HSD17B12: variants seen among roughly 807,000 people sequenced by gnomAD.
The protein encoded by HSD17B12 is hydroxysteroid 17-beta dehydrogenase 12, also known as very-long-chain 3-oxoacyl-CoA reductase.
Under a neutral mutation model 39.3 loss-of-function variants are expected in HSD17B12, and 32 were observed. That is an observed-to-expected ratio of 0.81 (90% CI 0.61 to 1.09). HSD17B12 has a LOEUF of 1.09. Among genes scored for constraint, HSD17B12 ranks in the 50% least tolerant of loss-of-function variants. The pLI, the probability that HSD17B12 is intolerant of heterozygous loss-of-function variation, is 0.00. For missense variants in HSD17B12, 342 were observed against 382.9 expected, an observed-to-expected ratio of 0.89 and a Z score of 0.89; for synonymous variants, 150 against 146.7, an observed-to-expected ratio of 1.02 and a Z score of -0.16.
chr11:43,672,285 A>G, the HSD17B12 span, among the ~76,000 whole-genome samples: 1 of 151,888 alleles, frequency 6.6e-6, no homozygotes, highest in African/African-American at 2.4e-5. Flanking sequence ...TCCTGACCTC[A>G]TGATCCGCCT....
intron 1 of HSD17B12, among the ~76,000 whole-genome samples, chr11:43,737,800 G>A (rs1048200245): frequency 2.6e-5 from 4 of 152,178 alleles, no homozygotes; most frequent in African/African-American, 9.7e-5. Context: ...CCGGCCAGGC[G>A]CAGTGGCTCA....
chr11:43,624,297 A>G, the HSD17B12 span, among the ~76,000 whole-genome samples: 351 of 152,112 alleles, frequency 2.3e-3, 7 homozygotes, highest in East Asian at 0.045. Context: ...AAGAAAATAT[A>G]AAGTTATTCT....
rs1311018570 is a variant in HSD17B12, at chr11:43,680,846, G to T, written c.19G>T (p.Ala7Ser). The change falls in exon 1 of 11, where the codon GCC (alanine) becomes TCC (serine). Residue 7 changes from alanine to serine, a missense_variant. Physicochemically the swap from Ala to Ser is moderately conservative, Grantham distance 99 (BLOSUM62 1). Transcript: ENST00000278353. The stretch of plus-strand genomic sequence containing the variant: ...GAAAGCCATGGAGAGCGCTCTCCCC[G>T]CCGCCGGCTTCCTGTACTGGGTCGG... MESALPAAGFLYWVGAG... is the reference protein window; with the variant it reads MESALPSAGFLYWVGAG... 1.2e-6 allele frequency: 2 copies of T among 1,613,952 alleles called. No homozygotes were observed. Among genetic ancestry groups the T allele is most frequent in the East Asian group, 4.5e-5 (2 of 44,842 alleles).
At chr11:43,838,466 C>T (rs1018832269) in intron 8 of HSD17B12, 68 bp downstream of exon 8, 10 of 1,207,568 alleles carry the variant, frequency 8.3e-6, no homozygotes, top group African/African-American at 1.5e-5. Context: ...GAGAAATTAA[C>T]GTAGATTTAA....
chr11:43,743,805 T>G (rs147553895), intron 1 of HSD17B12, among the ~76,000 whole-genome samples: 134 of 152,310 alleles, frequency 8.8e-4, no homozygotes, highest in African/African-American at 3.2e-3. Context: ...CTAATCGATA[T>G]TTTAATGCAG....
At chr11:43,662,285 G>A in the HSD17B12 span, among the ~76,000 whole-genome samples, 7 of 148,620 alleles carry the variant, frequency 4.7e-5, no homozygotes, top group African/African-American at 1.7e-4. Flanking sequence ...TGCAACCTCC[G>A]CTTCCTGGGT....
chr11:43,687,465 G>A (rs1005283176), intron 1 of HSD17B12, among the ~76,000 whole-genome samples: 2 of 152,224 alleles, frequency 1.3e-5, no homozygotes, highest in African/African-American at 4.8e-5. Context: ...ATTTGTGAGG[G>A]AAAGTTCTAG....
chr11:43,567,227 A>G, the HSD17B12 span, among the ~76,000 whole-genome samples: 1 of 152,162 alleles, frequency 6.6e-6, no homozygotes. Context: ...TGGGAAGAGA[A>G]TGACTGGAAA....
At chr11:43,755,648 C>A (rs775716181) in intron 3 of HSD17B12, 3 of 152,206 alleles carry the variant, frequency 2.0e-5, no homozygotes, top group Non-Finnish European at 4.4e-5. Flanking sequence ...AACATTACCA[C>A]CTACTGCTAA....
chr11:43,659,628 A>T, the HSD17B12 span, among the ~76,000 whole-genome samples: 3 of 151,936 alleles, frequency 2.0e-5, no homozygotes, highest in Admixed American at 1.3e-4. Context: ...CATCAAAATT[A>T]AAAACTTTTC....
At chr11:43,606,945 G>C in the HSD17B12 span, among the ~76,000 whole-genome samples, 1 of 152,096 alleles carries the variant, frequency 6.6e-6, no homozygotes, top group Non-Finnish European at 1.5e-5. Flanking sequence ...TGTGATCTGG[G>C]GCAAGATATT....
At chr11:43,710,037 G>A (rs1950050454) in intron 1 of HSD17B12, among the ~76,000 whole-genome samples, 1 of 152,190 alleles carries the variant, frequency 6.6e-6, no homozygotes, top group Non-Finnish European at 1.5e-5. Flanking sequence ...TAACTAAGTT[G>A]AAGCTGAAAT....
chr11:43,818,197 T>C (rs1289717214), intron 6 of HSD17B12, among the ~76,000 whole-genome samples: 1 of 152,220 alleles, frequency 6.6e-6, no homozygotes, highest in Non-Finnish European at 1.5e-5. Flanking sequence ...TCCCCATGAT[T>C]CTTTTCAGTT....
the HSD17B12 span, among the ~76,000 whole-genome samples, chr11:43,606,608 T>A: frequency 6.6e-6 from 1 of 152,228 alleles, no homozygotes; most frequent in Admixed American, 6.5e-5. Context: ...ATCTGATGAC[T>A]GCATTCACCC....
intron 3 of HSD17B12, among the ~76,000 whole-genome samples, chr11:43,781,997 A>G (rs1192944134): frequency 1.3e-5 from 2 of 152,238 alleles, no homozygotes; most frequent in East Asian, 3.8e-4. Context: ...CCAATTATAA[A>G]ATTGTTTCTG....
At chr11:43,768,873 GTGCTGATTGGTCCATTTTTACAGAA>G (rs1950623447) in intron 3 of HSD17B12, among the ~76,000 whole-genome samples, 1 of 148,594 alleles carries the variant, frequency 6.7e-6, no homozygotes, top group African/African-American at 2.5e-5. Flanking sequence ...ATTTTAAAGA[GTGCTGATTGGTCCATTTTTACAGAA>G]TGCTGATTGG....
intron 3 of HSD17B12, among the ~76,000 whole-genome samples, chr11:43,759,551 A>G (rs1950538814): frequency 1.3e-5 from 2 of 152,310 alleles, no homozygotes; most frequent in South Asian, 4.1e-4. Context: ...TGATTCATCA[A>G]AGAAAAAAAC....
At chr11:43,826,330 G>T (rs938612431) in intron 6 of HSD17B12, among the ~76,000 whole-genome samples, 3 of 151,900 alleles carry the variant, frequency 2.0e-5, no homozygotes, top group African/African-American at 7.3e-5. Context: ...TGATCTGCCC[G>T]CCTCGACCTC....
chr11:43,659,381 G>A, the HSD17B12 span, among the ~76,000 whole-genome samples: 1 of 152,166 alleles, frequency 6.6e-6, no homozygotes, highest in African/African-American at 2.4e-5. Context: ...CTCACGCACA[G>A]TGCATTGCAC....
Sources: gnomAD v4.1 joint callset for allele counts (sites outside exome capture counted in the v4.1 genomes callset) on GRCh38, gnomAD v4.1.1 for gene constraint, MANE v1.5 for transcripts, NCBI Gene and HGNC (gene_info 2026-07-23, HGNC 2026-07-21) for gene names.